Variants in TOPBP1 observed in about 807,000 individuals in gnomAD.
TOPBP1 encodes the protein DNA topoisomerase II binding protein 1, also known as DNA topoisomerase 2-binding protein 1.
Under a neutral mutation model 167.7 loss-of-function variants are expected in TOPBP1, and 28 were observed. That is an observed-to-expected ratio of 0.17 (90% CI 0.12 to 0.23). The LOEUF (loss-of-function observed/expected upper bound fraction) is 0.23. Among genes scored for constraint, TOPBP1 ranks in the 10% least tolerant of loss-of-function variants. The pLI, the probability that TOPBP1 is intolerant of heterozygous loss-of-function variation, is 1.00. For synonymous variants in TOPBP1, 598 were observed against 611.4 expected (o/e 0.98, Z 0.32); for missense variants, 1,554 against 1,809.6 (o/e 0.86, Z 2.56).
intron 14 of TOPBP1, among the ~76,000 whole-genome samples, chr3:133,634,583 CAA>C (rs1439882681): frequency 6.6e-6 from 1 of 151,708 alleles, no homozygotes; most frequent in Admixed American, 6.6e-5. Flanking sequence ...AAATAACTTC[CAA>C]AGACAAGTAA....
intron 6 of TOPBP1, 101 bp from the exon 7 acceptor site, chr3:133,653,625 T>G: frequency 9.2e-7 from 1 of 1,087,680 alleles, no homozygotes; most frequent in South Asian, 2.1e-5. Flanking sequence ...TATAACAGGT[T>G]AATATTTTTT....
In TOPBP1 at chr3:133,653,380, G is replaced by A. The variant is rs774794650; in HGVS notation, c.887C>T (p.Ser296Phe). 2.5e-6 allele frequency: 4 copies of A among 1,606,862 alleles called. No individual in the cohort carries two copies. Among genetic ancestry groups the A allele is most frequent in the East Asian group, 4.5e-5 (2 of 44,592 alleles). ...GTTGATCTGGCTGGTAGGAGTTGAAGAATTGGGCATAGTCTTTGCTTCTGG... is the reference window on the plus strand; with the variant it reads ...GTTGATCTGGCTGGTAGGAGTTGAAAAATTGGGCATAGTCTTTGCTTCTGG... ...PRPEAKTMPNSSTPTSQINTI... is the reference protein window; with the variant it reads ...PRPEAKTMPNFSTPTSQINTI... Residue 296 changes from serine (S) to phenylalanine (F), a missense_variant, in exon 7 of 28, where the codon TCT becomes TTT. By Grantham distance (155) the Ser-to-Phe change is radical. Around this residue, in one of 3 missense-constraint regions of TOPBP1, gnomAD observed 1,197 missense variants for 1,351.5 expected, o/e 0.89. Transcript: ENST00000260810.
In TOPBP1 at chr3:133,624,053, T is replaced by G; in HGVS notation, c.2927A>C (p.Asp976Ala). ...VHIVSEHWLL[D>A]CAQECKHLPE... ...GGGGGGGAAAAAAGCACTGCTTACA[T>G]CTAAAAGCCAGTGCTCGGAAACAAT... Residue 976 changes from aspartate (D) to alanine (A), a missense_variant and splice_region_variant, in exon 17 of 28, where the codon GAT becomes GCT. This residue lies in a region of TOPBP1 where 1,197 missense variants were observed against 1,351.5 expected (regional missense o/e 0.89). Transcript: ENST00000260810. The G allele has an allele frequency of 6.2e-7, 1 of 1,612,360 alleles. No individual in the cohort carries two copies. The highest frequency in any genetic ancestry group is 8.5e-7 in the Non-Finnish European group (1 of 1,179,270).
chr3:133,652,102 C>T (rs960332729), intron 8 of TOPBP1, among the ~76,000 whole-genome samples: 2 of 151,600 alleles, frequency 1.3e-5, no homozygotes, highest in Admixed American at 6.6e-5. Context: ...TGCATCCCAG[C>T]CTGGGCAACA....
intron 23 of TOPBP1, among the ~76,000 whole-genome samples, chr3:133,615,438 T>C (rs1453599517): frequency 1.3e-5 from 2 of 152,162 alleles, no homozygotes; most frequent in African/African-American, 2.4e-5. Flanking sequence ...GATTGTGCCA[T>C]GGCACTCAAG....
intron 14 of TOPBP1, among the ~76,000 whole-genome samples, chr3:133,630,970 C>T (rs773909115): frequency 6.6e-6 from 1 of 152,118 alleles, no homozygotes; most frequent in Non-Finnish European, 1.5e-5. Context: ...CAAGGCAGAA[C>T]TGCCTGAGCC....
Position 133,618,452 on chromosome 3 carries a change from A to C in TOPBP1, c.3372-19T>G. ...AGACTGCCTAAGGAATAGAAGTGAC[A>C]GTTTAAATAAACAGCAATAACAAAT... On this transcript the variant is annotated intron_variant, in intron 20 of 27. Transcript: ENST00000260810. 6.2e-7 allele frequency: 1 copy of C among 1,603,814 alleles called. No homozygotes were observed. The highest frequency in any genetic ancestry group is 8.5e-7 in the Non-Finnish European group (1 of 1,172,000).
At chr3:133,629,830 AGGCTGGAGTACAAT>A (rs1287545933) in intron 14 of TOPBP1, among the ~76,000 whole-genome samples, 9 of 152,138 alleles carry the variant, frequency 5.9e-5, no homozygotes, top group African/African-American at 2.2e-4. Context: ...TCTGTCACCC[AGGCTGGAGTACAAT>A]GGCGCGATCT....
intron 8 of TOPBP1, 36 bp downstream of exon 8, chr3:133,652,427 A>G: frequency 2.5e-6 from 4 of 1,605,384 alleles, no homozygotes; most frequent in Non-Finnish European, 3.4e-6. Flanking sequence ...GCTAATGTAT[A>G]TCATCTACTG....
At chr3:133,637,047 T>C (rs755387143) in intron 14 of TOPBP1, among the ~76,000 whole-genome samples, 1 of 152,206 alleles carries the variant, frequency 6.6e-6, no homozygotes. Flanking sequence ...AATTAATATT[T>C]ATTTTCTGAA....
Position 133,646,722 on chromosome 3 carries a change from G to A in TOPBP1, c.1505-2359C>T, listed in dbSNP as rs78793057. ...GAAAATCAAGATGATTTCCTGATGT[G>A]ATACAATACTAAAGCATAAGTAAAT... On this transcript the variant is annotated intron_variant, in intron 10 of 27. Coordinates refer to ENST00000260810, the MANE Select transcript of TOPBP1 (RefSeq NM_007027.4). 4.4e-3 allele frequency among the ~76,000 whole-genome samples: 665 copies of A among 151,876 alleles called. 2 individuals carry two copies. The highest frequency in any genetic ancestry group is 0.015 in the African/African-American group (639 of 41,416).
At chr3:133,634,889 G>C (rs372065650) in intron 14 of TOPBP1, among the ~76,000 whole-genome samples, 3 of 152,080 alleles carry the variant, frequency 2.0e-5, no homozygotes, top group African/African-American at 7.2e-5. Context: ...TCATATATTC[G>C]ATTGTAGAGT....
intron 10 of TOPBP1, 34 bp from the exon 11 acceptor site, chr3:133,644,397 A>G (rs772726424): frequency 5.4e-5 from 81 of 1,494,204 alleles, no homozygotes; most frequent in Non-Finnish European, 7.0e-5. Context: ...TCTAACCAAC[A>G]ATTTACCTTA....
rs2107823488 is a variant in TOPBP1 at position 133,649,397 on chromosome 3, C to T, written c.1490G>A (p.Gly497Asp). ...DEDLLSQYEN[G>D]SSTVVEAKTS... ...GCATTTCTTACCTACTGTGGAGCTACCATTTTCATATTGAGAGAGCAGATC... is the reference window on the plus strand; with the variant it reads ...GCATTTCTTACCTACTGTGGAGCTATCATTTTCATATTGAGAGAGCAGATC... The change falls in exon 10 of 28, where the codon GGT (glycine) becomes GAT (aspartate). Residue 497 changes from glycine (G) to aspartate (D), a missense_variant. By Grantham distance (94) the Gly-to-Asp change is moderately conservative (BLOSUM62 -1). Transcript: ENST00000260810. 6.2e-7 allele frequency: 1 copy of T among 1,613,108 alleles called. No individual in the cohort carries two copies. The highest frequency in any genetic ancestry group is 1.7e-4 in the Middle Eastern group (1 of 6,058).
chr3:133,627,677 C>T (rs1935311660), intron 16 of TOPBP1, among the ~76,000 whole-genome samples: 1 of 152,134 alleles, frequency 6.6e-6, no homozygotes, highest in Non-Finnish European at 1.5e-5. Flanking sequence ...CTTATGATAT[C>T]TATGAATGGC....
At chr3:133,655,843 C>T (rs1265423484) in intron 5 of TOPBP1, among the ~76,000 whole-genome samples, 1 of 152,130 alleles carries the variant, frequency 6.6e-6, no homozygotes, top group African/African-American at 2.4e-5. Flanking sequence ...ACTTTTTAAT[C>T]TTTCCATTAT....
At position 133,624,191 on chromosome 3, in the gene TOPBP1, C is replaced by G. The variant is rs1559815213; in HGVS notation, c.2805-16G>C. 1.2e-6 allele frequency: 2 copies of G among 1,606,606 alleles called. No homozygotes were observed. The highest frequency in any genetic ancestry group is 3.4e-5 in the Admixed American group (2 of 58,638). On this transcript the variant is annotated splice_polypyrimidine_tract_variant and intron_variant, in intron 16 of 27. Transcript: ENST00000260810. Reference sequence around the variant, plus strand: ...AAAACTCCACCTGAAATAACCAATACAAAAAAACAAATAACCAAGAGAAAC... The same window carrying G: ...AAAACTCCACCTGAAATAACCAATAGAAAAAAACAAATAACCAAGAGAAAC...
At chr3:133,627,841 A>G (rs531474373) in intron 16 of TOPBP1, among the ~76,000 whole-genome samples, 7 of 152,046 alleles carry the variant, frequency 4.6e-5, no homozygotes, top group Non-Finnish European at 8.8e-5. Context: ...AGGTTGACTG[A>G]AGAAAAATCT....
intron 23 of TOPBP1, among the ~76,000 whole-genome samples, chr3:133,613,027 A>C (rs1934734870): frequency 6.6e-6 from 1 of 151,920 alleles, no homozygotes; most frequent in African/African-American, 2.4e-5. Flanking sequence ...GGCCTGGCTA[A>C]TTTTTGTATT....
Sources: allele counts gnomAD v4.1 joint callset (sites outside exome capture counted in the v4.1 genomes callset), GRCh38; gene constraint gnomAD v4.1.1; regional missense constraint gnomAD v4.1.1; transcripts MANE v1.5; gene names NCBI Gene and HGNC (gene_info 2026-07-23, HGNC 2026-07-21).